Variants in ABCB5 observed in about 807,000 individuals in gnomAD.
ABCB5 encodes the protein ATP-binding cassette sub-family B member 5.
Under a neutral mutation model 144.2 loss-of-function variants are expected in ABCB5, and 155 were observed. That is an observed-to-expected ratio of 1.08 (90% CI 0.94 to 1.23). ABCB5 has a LOEUF of 1.23. Among genes scored for constraint, ABCB5 ranks in the 50% most tolerant of loss-of-function variants. ABCB5 has a pLI of 0.00. For missense variants in ABCB5, 1,830 were observed against 1,520.8 expected, an observed-to-expected ratio of 1.20 and a Z score of -3.38; for synonymous variants, 610 against 528.6, an observed-to-expected ratio of 1.15 and a Z score of -2.11.
At chr7:20,717,103 G>C (rs946502710) in intron 20 of ABCB5, among the ~76,000 whole-genome samples, 5 of 152,098 alleles carry the variant, frequency 3.3e-5, no homozygotes, top group African/African-American at 1.2e-4. Flanking sequence ...GGAAAGACAT[G>C]GAAGGCCTCC....
chr7:20,731,921 A>G (rs1303510926), intron 23 of ABCB5, among the ~76,000 whole-genome samples: 1 of 152,058 alleles, frequency 6.6e-6, no homozygotes, highest in Non-Finnish European at 1.5e-5. Context: ...CTTCCCTATA[A>G]TCCATTCTCC....
intron 23 of ABCB5, among the ~76,000 whole-genome samples, chr7:20,732,622 C>G (rs138309188): frequency 2.6e-5 from 4 of 152,318 alleles, no homozygotes; most frequent in African/African-American, 9.6e-5. Flanking sequence ...CACCTTCACA[C>G]TTTGAAAACA....
intron 23 of ABCB5, among the ~76,000 whole-genome samples, chr7:20,738,115 C>T (rs1420649796): frequency 6.6e-6 from 1 of 152,198 alleles, no homozygotes; most frequent in African/African-American, 2.4e-5. Context: ...AAACAAGCAA[C>T]TGGGTTCTGT....
intron 24 of ABCB5, among the ~76,000 whole-genome samples, chr7:20,740,274 T>A (rs1782521639): frequency 6.6e-6 from 1 of 152,086 alleles, no homozygotes. Context: ...TAAATAATAG[T>A]CTTATACATT....
intron 5 of ABCB5, among the ~76,000 whole-genome samples, chr7:20,635,194 T>C (rs1400476146): frequency 2.0e-5 from 3 of 152,148 alleles, no homozygotes; most frequent in Non-Finnish European, 2.9e-5. Context: ...GTTGGCTTTG[T>C]TGAAGGTCAA....
rs753741272 is a variant in ABCB5, at chr7:20,745,405, A to C, written c.3396A>C (p.Ala1132=). The C allele has an allele frequency of 5.0e-6, 8 of 1,614,122 alleles. No homozygotes were observed. In the East Asian group the frequency reaches 1.8e-4, roughly 36 times the overall value. Residue 1132 remains alanine, a synonymous_variant, in exon 26 of 28, where the codon GCA becomes GCC. Coordinates refer to ENST00000404938, the MANE Select transcript of ABCB5 (RefSeq NM_001163941.2). ...LDEIKEAANA[A]NIHSFIEGLP... is the part of the protein sequence containing the mutation. ...AGATCAAAGAAGCCGCAAATGCAGC[A>C]AATATCCATTCTTTTATTGAAGGTC...
At chr7:20,663,425 C>G (rs1015395530) in intron 14 of ABCB5, among the ~76,000 whole-genome samples, 8 of 152,098 alleles carry the variant, frequency 5.3e-5, no homozygotes, top group African/African-American at 1.7e-4. Flanking sequence ...AAAGGAAATT[C>G]TGATGATGCT....
chr7:20,726,975 C>T, intron 21 of ABCB5, 65 bp from the exon 22 acceptor site: 1 of 1,194,560 alleles, frequency 8.4e-7, no homozygotes, highest in Non-Finnish European at 1.2e-6. Context: ...GACTAGAATT[C>T]ACAAATGGGA....
chr7:20,659,733 A>C (rs1228617087), intron 14 of ABCB5: 1 of 985,772 alleles, frequency 1.0e-6, no homozygotes, highest in Non-Finnish European at 1.2e-6. Flanking sequence ...ACTATATTCA[A>C]GCCTCGCTCT....
At chr7:20,739,751 T>A (rs1221204960) in intron 24 of ABCB5, among the ~76,000 whole-genome samples, 1 of 151,912 alleles carries the variant, frequency 6.6e-6, no homozygotes, top group Non-Finnish European at 1.5e-5. Context: ...GCAAAGTAAA[T>A]AATATTCTGC....
At chr7:20,691,714 T>C (rs997059168) in intron 16 of ABCB5, among the ~76,000 whole-genome samples, 2 of 151,940 alleles carry the variant, frequency 1.3e-5, no homozygotes, top group African/African-American at 4.8e-5. Context: ...AGATAATTAG[T>C]CCTAGACTAA....
rs1044079093 is a variant in ABCB5, at chr7:20,722,927, T to G, written c.2422-89T>G. ...AAGTATAAATTCTTTTTTTAAAAAGTCTACCTTGTTTTGCAAGGAACTATA... is the reference window on the plus strand; with the variant it reads ...AAGTATAAATTCTTTTTTTAAAAAGGCTACCTTGTTTTGCAAGGAACTATA... On this transcript the variant is annotated intron_variant, in intron 20 of 27. Transcript: ENST00000404938. 4.8e-5 allele frequency: 54 copies of G among 1,128,218 alleles called. 1 individual carries two copies. The highest frequency in any genetic ancestry group is 6.2e-5 in the Non-Finnish European group (48 of 771,646). 69.9% of individuals were successfully genotyped at this position (1,128,218 alleles called of 1,614,324 possible).
intron 13 of ABCB5, among the ~76,000 whole-genome samples, chr7:20,655,038 T>C (rs1784727821): frequency 7.3e-6 from 1 of 137,800 alleles, no homozygotes; most frequent in Non-Finnish European, 1.5e-5. Context: ...GCTGGTTCAC[T>C]GAAAAGATTA....
chr7:20,688,982 G>A (rs1271158216), intron 16 of ABCB5, among the ~76,000 whole-genome samples: 1 of 151,632 alleles, frequency 6.6e-6, no homozygotes, highest in Non-Finnish European at 1.5e-5. Context: ...TGGGGAGAGG[G>A]GGGAGGGATA....
chr7:20,674,373 G>C (rs1264064989), intron 14 of ABCB5, among the ~76,000 whole-genome samples: 1 of 151,656 alleles, frequency 6.6e-6, no homozygotes, highest in African/African-American at 2.4e-5. Flanking sequence ...TTATTTCCTT[G>C]ATATAGAGTT....
At chr7:20,654,252 T>C (rs1226118777) in intron 13 of ABCB5, among the ~76,000 whole-genome samples, 1 of 152,064 alleles carries the variant, frequency 6.6e-6, no homozygotes, top group Non-Finnish European at 1.5e-5. Context: ...ACAATTACAG[T>C]ACTCAGTACA....
At chr7:20,741,956 T>C (rs1420650234) in intron 24 of ABCB5, among the ~76,000 whole-genome samples, 1 of 152,252 alleles carries the variant, frequency 6.6e-6, no homozygotes, top group Non-Finnish European at 1.5e-5. Flanking sequence ...TTCTGGAAAG[T>C]CTTTTTTAAA....
chr7:20,718,033 CT>C (rs1781741321), intron 20 of ABCB5, among the ~76,000 whole-genome samples: 1 of 150,138 alleles, frequency 6.7e-6, no homozygotes, highest in South Asian at 2.1e-4. Context: ...TCCTGAGTAG[CT>C]GGGACTACAG....
At chr7:20,660,024 CTGAT>C (rs1395875152) in intron 14 of ABCB5, 3 of 985,486 alleles carry the variant, frequency 3.0e-6, no homozygotes, top group African/African-American at 3.5e-5. Context: ...AATAGGCTCT[CTGAT>C]TGTTTAGAAG....
Sources: allele counts gnomAD v4.1 joint callset (sites outside exome capture counted in the v4.1 genomes callset), GRCh38; gene constraint gnomAD v4.1.1; transcripts MANE v1.5; gene names NCBI Gene and HGNC (gene_info 2026-07-23, HGNC 2026-07-21).